MGAT5: variants seen among roughly 807,000 people sequenced by gnomAD.
MGAT5 encodes the protein alpha-1,6-mannosylglycoprotein 6-beta-N-acetylglucosaminyltransferase A.
A neutral mutation model predicts 94.3 loss-of-function variants in MGAT5; 30 were observed. The observed-to-expected ratio is 0.32, with a 90% confidence interval of 0.24 to 0.43. The LOEUF (loss-of-function observed/expected upper bound fraction) is 0.43, where lower values mean the gene tolerates loss of function less well. Ranked by LOEUF, MGAT5 falls within the 20% of genes least tolerant of loss-of-function variation. The probability of loss-of-function intolerance (pLI) is 1.00; values close to 1 mark genes in which losing one functional copy is unlikely to be tolerated. For missense variants in MGAT5, 691 were observed against 905.5 expected (o/e 0.76, Z 3.04); for synonymous variants, 310 against 322.9 (o/e 0.96, Z 0.43).
chr2:134,218,260 CAA>C (rs1680594328), intron 1 of MGAT5, among the ~76,000 whole-genome samples: 3 of 152,330 alleles, frequency 2.0e-5, no homozygotes, highest in South Asian at 2.1e-4. Context: ...TGACACAGAA[CAA>C]AGACTCATAA....
intron 14 of MGAT5, among the ~76,000 whole-genome samples, chr2:134,431,091 G>T (rs143198761): frequency 7.9e-5 from 12 of 152,300 alleles, no homozygotes; most frequent in East Asian, 7.7e-4. Flanking sequence ...AGGCCTGGAG[G>T]GGGGAGAAAT....
At chr2:134,260,592 A>C (rs969490284) in intron 1 of MGAT5, among the ~76,000 whole-genome samples, 1 of 152,130 alleles carries the variant, frequency 6.6e-6, no homozygotes, top group Non-Finnish European at 1.5e-5. Flanking sequence ...AGATGCAAGC[A>C]TGTAAAGGGT....
chr2:134,189,133 T>C (rs1558977713), intron 1 of MGAT5, among the ~76,000 whole-genome samples: 2 of 152,198 alleles, frequency 1.3e-5, no homozygotes, highest in Admixed American at 6.5e-5. Flanking sequence ...GGGGTTTCGT[T>C]ACATAGGCAG....
intron 15 of MGAT5, among the ~76,000 whole-genome samples, chr2:134,442,547 G>A (rs1199843796): frequency 6.6e-6 from 1 of 152,166 alleles, no homozygotes; most frequent in Non-Finnish European, 1.5e-5. Flanking sequence ...GTAATGAGGC[G>A]AGTGTGGCAC....
At chr2:134,236,235 T>A (rs1367427346) in intron 1 of MGAT5, among the ~76,000 whole-genome samples, 1 of 152,176 alleles carries the variant, frequency 6.6e-6, no homozygotes, top group Non-Finnish European at 1.5e-5. Context: ...AGGCAGTGGT[T>A]CCAGGAACTT....
exon 1 of MGAT5, chr2:134,120,208 G>C (rs1471085411): frequency 3.2e-6 from 1 of 310,844 alleles, no homozygotes; most frequent in African/African-American, 2.2e-5. Context: ...CCGCAGGCTC[G>C]GGGCGTCGCG....
At chr2:134,411,789 T>TA (rs1305505646) in intron 11 of MGAT5, among the ~76,000 whole-genome samples, 1 of 152,244 alleles carries the variant, frequency 6.6e-6, no homozygotes, top group Non-Finnish European at 1.5e-5. Context: ...AGCTTGCAGC[T>TA]AAATCTAGTT....
At chr2:134,157,587 G>T (rs1687534280) in intron 1 of MGAT5, among the ~76,000 whole-genome samples, 1 of 152,102 alleles carries the variant, frequency 6.6e-6, no homozygotes, top group Admixed American at 6.5e-5. Context: ...ACTGGTGGTT[G>T]TGGGGGATGG....
chr2:134,336,652 A>G lies in MGAT5; in HGVS notation c.645+364A>G, dbSNP rs143661693. Among the ~76,000 whole-genome samples the G allele has an allele frequency of 4.0e-3, 608 of 152,244 alleles. 3 individuals are homozygous for G. Among genetic ancestry groups the G allele is most frequent in the African/African-American group, 0.014 (564 of 41,552 alleles). ...GAGGAAGAGGTCATTTTAGTCTGCA[A>G]GGTTCAGGGTAGATTGAATAGTGAA... On this transcript the variant is annotated intron_variant, in intron 5 of 15. Coordinates refer to ENST00000281923, the MANE Select transcript of MGAT5 (RefSeq NM_002410.5).
At position 134,206,701 on chromosome 2, in the gene MGAT5, C is replaced by T. The variant is rs535336303; in HGVS notation, c.-142-47561C>T. Reference sequence around the variant, plus strand: ...CCCTAAATGCCACCTCAAATGTTCTCCTCACAGAGATGCAGAGGAGGATTA... The same window carrying T: ...CCCTAAATGCCACCTCAAATGTTCTTCTCACAGAGATGCAGAGGAGGATTA... On this transcript the variant is annotated intron_variant, in intron 1 of 16. Transcript: ENST00000409645. Among the ~76,000 whole-genome samples, 4 of 152,264 alleles carry T rather than the reference C, an allele frequency of 2.6e-5. No homozygotes were observed. The East Asian group carries it at 5.8e-4, about 22-fold the overall frequency.
rs1553446977 is a variant in MGAT5, at chr2:134,326,052, C to CTTT, written c.573+7327_573+7329dup. On this transcript the variant is annotated intron_variant, in intron 4 of 15. Transcript: ENST00000281923. The stretch of plus-strand genomic sequence containing the variant: ...CTGATTTCTCTTTCTCTCTCTCTCT[C>CTTT]TTTTTTTTTTTTTTTTGATGTTAGC... Among the ~76,000 whole-genome samples, 193 of 135,900 alleles carry CTTT rather than the reference C, an allele frequency of 1.4e-3. 2 individuals carry two copies. The highest frequency in any genetic ancestry group is 5.0e-3 in the African/African-American group (187 of 37,170). The allele number at this position is 135,900 out of a possible 152,430, so 89.2% of individuals were successfully genotyped here.
At chr2:134,332,755 C>A (rs1258572697) in intron 4 of MGAT5, among the ~76,000 whole-genome samples, 1 of 151,894 alleles carries the variant, frequency 6.6e-6, no homozygotes, top group African/African-American at 2.4e-5. Flanking sequence ...AAAAACAACC[C>A]CATCAAAAAG....
intron 1 of MGAT5, among the ~76,000 whole-genome samples, chr2:134,240,662 G>T (rs1225790090): frequency 1.3e-5 from 2 of 152,292 alleles, no homozygotes; most frequent in African/African-American, 4.8e-5. Flanking sequence ...TGAGAATTCT[G>T]TTGATTTTCC....
intron 1 of MGAT5, among the ~76,000 whole-genome samples, chr2:134,205,512 A>T (rs1679984498): frequency 6.6e-6 from 1 of 152,156 alleles, no homozygotes; most frequent in African/African-American, 2.4e-5. Flanking sequence ...GAGCAGCCGG[A>T]GTGGGAGATG....
intron 9 of MGAT5, among the ~76,000 whole-genome samples, chr2:134,356,042 T>A (rs1679713362): frequency 6.7e-6 from 1 of 150,308 alleles, no homozygotes; most frequent in Non-Finnish European, 1.5e-5. Flanking sequence ...TATAGTTTTA[T>A]TTATTTTATT....
At chr2:134,319,277 G>T (rs577042802) in intron 4 of MGAT5, among the ~76,000 whole-genome samples, 3 of 152,154 alleles carry the variant, frequency 2.0e-5, no homozygotes, top group South Asian at 2.1e-4. Context: ...TATACCAACA[G>T]TGTGCAAGCA....
chr2:134,408,133 G>T (rs1020550840), intron 11 of MGAT5, among the ~76,000 whole-genome samples: 2 of 152,148 alleles, frequency 1.3e-5, no homozygotes, highest in African/African-American at 4.8e-5. Flanking sequence ...CTGTTTTGCT[G>T]CCTCCGTGTT....
intron 1 of MGAT5, among the ~76,000 whole-genome samples, chr2:134,172,588 G>A (rs775374257): frequency 1.3e-5 from 2 of 152,170 alleles, no homozygotes; most frequent in South Asian, 2.1e-4. Context: ...GGTTTTCACC[G>A]TGTTAGCCAG....
chr2:134,153,215 G>A lies in MGAT5; in HGVS notation c.-143+32924G>A, dbSNP rs189509793. 3.6e-4 allele frequency among the ~76,000 whole-genome samples: 55 copies of A among 152,162 alleles called. No homozygotes were observed. The South Asian group carries it at 9.3e-3, about 26-fold the overall frequency. ...GATTACTGGCGTGAGCCACCACGCC[G>A]GGCCAGAGTCCACATTTTTAATCAA... On this transcript the variant is annotated intron_variant, in intron 1 of 16. Transcript: ENST00000409645.
Sources: gnomAD v4.1 joint callset for allele counts (sites outside exome capture counted in the v4.1 genomes callset) on GRCh38, gnomAD v4.1.1 for gene constraint, MANE v1.5 for transcripts, NCBI Gene and HGNC (gene_info 2026-07-23, HGNC 2026-07-21) for gene names.